Variants in HMCN2 observed in about 807,000 individuals in gnomAD.
HMCN2 encodes hemicentin-2.
HMCN2 carries 325 observed loss-of-function variants against 377.5 expected under a neutral mutation model. That is an observed-to-expected ratio of 0.86 (90% CI 0.79 to 0.94). The LOEUF (loss-of-function observed/expected upper bound fraction) is 0.94, where lower values mean the gene tolerates loss of function less well. Among genes scored for constraint, HMCN2 ranks in the 40% least tolerant of loss-of-function variants. HMCN2 has a pLI of 0.00. For synonymous variants in HMCN2, 2,007 were observed against 2,046.8 expected (o/e 0.98, Z 0.53); for missense variants, 4,543 against 4,725.3 (o/e 0.96, Z 1.13).
intron 57 of HMCN2, among the ~76,000 whole-genome samples, chr9:130,384,110 A>G (rs976463638): frequency 3.0e-4 from 46 of 152,210 alleles, no homozygotes; most frequent in African/African-American, 1.1e-3. Flanking sequence ...CCTCAAGGTC[A>G]TGGGCTCAAA....
At position 130,422,913 on chromosome 9, in the gene HMCN2, C is replaced by A. The variant is rs1844104020; in HGVS notation, c.13381+187C>A. ...AATCCAAAGTGGACTCAGATGCAGGCAACTTCCTGTCCCCCTCACAACCTC... is the reference window on the plus strand; with the variant it reads ...AATCCAAAGTGGACTCAGATGCAGGAAACTTCCTGTCCCCCTCACAACCTC... On this transcript the variant is annotated intron_variant, in intron 87 of 97. Transcript: ENST00000683500. This position sits in a 1 kb window ranked among gnomAD's most constrained non-coding sequence, Gnocchi z 4.2. Among the ~76,000 whole-genome samples the A allele has an allele frequency of 6.6e-6, 1 of 152,224 alleles. No individual in the cohort carries two copies. Among genetic ancestry groups the A allele is most frequent in the African/African-American group, 2.4e-5 (1 of 41,460 alleles).
At chr9:130,402,523 C>A (rs1204625185) in intron 77 of HMCN2, among the ~76,000 whole-genome samples, 1 of 152,178 alleles carries the variant, frequency 6.6e-6, no homozygotes, top group African/African-American at 2.4e-5. Flanking sequence ...GGTCTAGAGA[C>A]CATCTTGTCT....
Position 130,353,129 on chromosome 9 carries a change from C to T in HMCN2, c.4788C>T (p.Ser1596=), listed in dbSNP as rs1024782302. The change falls in exon 31 of 98, where the codon TCC becomes TCT. Residue 1596 remains serine, a synonymous_variant. Transcript: ENST00000683500. ...RQLQLGRAQS[S]DAGVYTCKAS... ...TGCAGCTGGGGAGGGCCCAGAGCTC[C>T]GATGCCGGCGTCTACACCTGCAAGG... is the stretch of plus-strand genomic sequence containing the variant. 79 of 1,304,056 alleles carry T rather than the reference C, an allele frequency of 6.1e-5. No homozygotes were observed. The highest frequency in any genetic ancestry group is 5.8e-4 in the African/African-American group (38 of 65,864). The allele number at this position is 1,304,056 out of a possible 1,614,324, so 80.8% of individuals were successfully genotyped here.
chr9:130,290,862 G>GAAAAAAA (rs34729181), intron 4 of HMCN2, among the ~76,000 whole-genome samples: 24 of 121,152 alleles, frequency 2.0e-4, no homozygotes, highest in Non-Finnish European at 1.9e-4. Context: ...AGCTCAGTCT[G>GAAAAAAA]AAAAAAAAAA....
rs535793405 is a variant in HMCN2, at chr9:130,284,462, C to T, written c.260-141C>T. 9 of 393,638 alleles carry T rather than the reference C, an allele frequency of 2.3e-5. No homozygotes were observed. The East Asian group carries it at 6.6e-4, about 29-fold the overall frequency. The allele number at this position is 393,638 out of a possible 1,614,324, so 24.4% of individuals were successfully genotyped here. On this transcript the variant is annotated intron_variant, in intron 1 of 97. Coordinates refer to ENST00000683500, the MANE Select transcript of HMCN2 (RefSeq NM_001291815.2). ...TGGTCTGATCCTGCAGCTCCGGGAG[C>T]TGCTCCCTGATCTCTCCCCGTCTTG...
In HMCN2 at chr9:130,375,969, A is replaced by G. The variant is rs534695231; in HGVS notation, c.7898A>G (p.Asn2633Ser). 3.0e-6 allele frequency: 3 copies of G among 985,750 alleles called. No homozygotes were observed. The highest frequency in any genetic ancestry group is 3.5e-5 in the African/African-American group (2 of 57,326). 61.1% of individuals were successfully genotyped at this position (985,750 alleles called of 1,614,324 possible). A position where few individuals can be genotyped will look rare whatever the true frequency, so the allele number is the denominator to read the frequency against. Residue 2633 changes from asparagine to serine, a missense_variant, in exon 51 of 98, where the codon AAC (asparagine) becomes AGC (serine). Transcript: ENST00000683500. ...VTNELGEAVK[N>S]YHVEVLIPPS... ...AATGAGCTCGGGGAGGCCGTGAAAA[A>G]CTACCATGTGGAAGTGCTCAGTGAG...
intron 85 of HMCN2, among the ~76,000 whole-genome samples, chr9:130,411,113 G>A (rs572411529): frequency 1.3e-5 from 2 of 151,844 alleles, no homozygotes; most frequent in African/African-American, 4.8e-5. Flanking sequence ...CCAGCAACCA[G>A]ATCAAAGAAA....
intron 4 of HMCN2, among the ~76,000 whole-genome samples, chr9:130,290,159 C>G (rs1554929526): frequency 6.6e-6 from 1 of 152,230 alleles, no homozygotes; most frequent in Non-Finnish European, 1.5e-5. Flanking sequence ...GAACATTGAG[C>G]TGGCTTAATG....
chr9:130,371,359 C>T (rs977527), intron 46 of HMCN2, among the ~76,000 whole-genome samples: 120,444 of 151,256 alleles, frequency 0.8, 50,484 homozygotes, highest in Non-Finnish European at 0.93. Flanking sequence ...CTGCTCTGTT[C>T]ATCTAGAGAA....
intron 1 of HMCN2, among the ~76,000 whole-genome samples, chr9:130,274,797 T>C (rs1365021444): frequency 2.0e-5 from 3 of 152,196 alleles, no homozygotes; most frequent in African/African-American, 7.2e-5. Flanking sequence ...GAATATCTCT[T>C]CCTGTCAGGA....
rs1255325546 is a variant in HMCN2, at chr9:130,405,891, A to G, written c.12340-64A>G. On this transcript the variant is annotated intron_variant, in intron 81 of 97. Transcript: ENST00000683500. ...TGCTCCATGAGAACCTTCAAGGGTC[A>G]GGGGCATCCTGACCTATGCCGAGGT... 4 of 1,163,474 alleles carry G rather than the reference A, an allele frequency of 3.4e-6. No homozygotes were observed. The African/African-American group carries it at 6.3e-5, about 18-fold the overall frequency. The allele number at this position is 1,163,474 out of a possible 1,614,324, so 72.1% of individuals were successfully genotyped here. A position where few individuals can be genotyped will look rare whatever the true frequency, so the allele number is the denominator to read the frequency against.
chr9:130,359,085 C>G (rs908850595), intron 36 of HMCN2, among the ~76,000 whole-genome samples: 5 of 152,068 alleles, frequency 3.3e-5, no homozygotes, highest in Admixed American at 6.6e-5. Flanking sequence ...GTCGGCTGTC[C>G]TGGGGTGGGG....
chr9:130,368,494 C>T (rs1459090545), intron 44 of HMCN2, 57 bp downstream of exon 44: 26 of 937,914 alleles, frequency 2.8e-5, no homozygotes, highest in South Asian at 1.5e-4. Context: ...GCTGGGCAGG[C>T]GCTGCCCTGA....
intron 4 of HMCN2, among the ~76,000 whole-genome samples, chr9:130,291,668 T>G (rs1835773241): frequency 6.6e-6 from 1 of 152,246 alleles, no homozygotes; most frequent in Non-Finnish European, 1.5e-5. Context: ...TACTTTTTGC[T>G]GAATCATGAC....
At chr9:130,424,083 C>T (rs971307596) in intron 87 of HMCN2, among the ~76,000 whole-genome samples, 6 of 151,492 alleles carry the variant, frequency 4.0e-5, no homozygotes, top group African/African-American at 7.3e-5. Flanking sequence ...CAGGCTCAAG[C>T]GATCCTCCTA....
Position 130,403,292 on chromosome 9 carries a change from A to C in HMCN2, c.11977A>C (p.Ile3993Leu), listed in dbSNP as rs1204728734. 1 of 1,289,772 alleles carries C rather than the reference A, an allele frequency of 7.8e-7. No individual in the cohort carries two copies. Among genetic ancestry groups the C allele is most frequent in the Admixed American group, 2.3e-5 (1 of 43,546 alleles). The allele number at this position is 1,289,772 out of a possible 1,614,324, so 79.9% of individuals were successfully genotyped here. A position where few individuals can be genotyped will look rare whatever the true frequency, so the allele number is the denominator to read the frequency against. Residue 3993 changes from isoleucine to leucine, a missense_variant, in exon 79 of 98, where the codon ATC (isoleucine) becomes CTC (leucine). Around this residue, in one of 5 missense-constraint regions of HMCN2, gnomAD observed 1,073 missense variants for 1,319.5 expected, o/e 0.81. Transcript: ENST00000683500. ...GGCCTCAGGCATCCCCCGGCCGACC[A>C]TCACCTGGCAGAAGGAAGGGCTCAA... The part of the protein sequence containing the change: ...CEASGIPRPT[I>L]TWQKEGLNVA...
rs117522032 is a variant in HMCN2, at chr9:130,282,025, T to C, written c.260-2578T>C. On this transcript the variant is annotated intron_variant, in intron 1 of 97. Transcript: ENST00000683500. ...GTAACTGTCATTATCATTCATGTCA[T>C]GTTAATTTCTTTTTACAGTGAACAT... 2.9e-3 allele frequency among the ~76,000 whole-genome samples: 442 copies of C among 152,330 alleles called. 5 individuals carry two copies. The highest frequency in any genetic ancestry group is 7.3e-3 in the Admixed American group (111 of 15,306).
At chr9:130,286,162 G>C (rs1554927569) in intron 3 of HMCN2, 26 bp from the exon 4 acceptor site, 1 of 470,014 alleles carries the variant, frequency 2.1e-6, no homozygotes, top group Non-Finnish European at 4.4e-6. Context: ...GGGAAGTCGA[G>C]AGCAGGCTGC....
At chr9:130,427,651 G>T (rs571863116) in intron 92 of HMCN2, 32 bp downstream of exon 92, 1 of 1,539,856 alleles carries the variant, frequency 6.5e-7, no homozygotes, top group South Asian at 1.2e-5. Context: ...GGGAGGAGAC[G>T]CGCTCCTCAG....
Sources: gnomAD v4.1 joint callset for allele counts (sites outside exome capture counted in the v4.1 genomes callset) on GRCh38, gnomAD v4.1.1 for gene constraint, gnomAD v4.1.1 regional missense constraint, Gnocchi (gnomAD v3.1) non-coding constraint, MANE v1.5 for transcripts, NCBI Gene and HGNC (gene_info 2026-07-23, HGNC 2026-07-21) for gene names.